NAV2: variants seen among roughly 807,000 people sequenced by gnomAD.
NAV2 encodes helicase, APC down-regulated 1.
NAV2 carries 54 observed loss-of-function variants against 223.2 expected under a neutral mutation model. The ratio of observed to expected loss-of-function variants is 0.24; its 90% confidence interval spans 0.19 to 0.30. The LOEUF (loss-of-function observed/expected upper bound fraction) is 0.30. Ranked by LOEUF, NAV2 falls within the 10% of genes least tolerant of loss-of-function variation. NAV2 has a pLI of 1.00. For synonymous variants in NAV2, 1,279 were observed against 1,239.3 expected (o/e 1.03, Z -0.67); for missense variants, 2,806 against 3,147.5 (o/e 0.89, Z 2.60).
chr11:20,034,124 G>C (rs1303329639), intron 11 of NAV2, among the ~76,000 whole-genome samples: 1 of 152,150 alleles, frequency 6.6e-6, no homozygotes, highest in Non-Finnish European at 1.5e-5. Flanking sequence ...AGGGTAGTTG[G>C]TTCTGGAATC....
chr11:19,947,833 C>T lies in NAV2; in HGVS notation c.2256-858C>T, dbSNP rs145787624. The stretch of plus-strand genomic sequence containing the variant: ...CTTTTTGGATGAAATATGAGAAAAG[C>T]AAAAGTCTGGGGGAAGTGAACTTTA... On this transcript the variant is annotated intron_variant, in intron 9 of 37. Coordinates refer to ENST00000349880, the MANE Select transcript of NAV2 (RefSeq NM_145117.5). 8.6e-3 allele frequency among the ~76,000 whole-genome samples: 1,304 copies of T among 152,180 alleles called. 15 individuals are homozygous for T. Among genetic ancestry groups the T allele is most frequent in the Non-Finnish European group, 0.012 (841 of 68,018 alleles).
chr11:20,117,965 G>A (rs1337781075), intron 37 of NAV2, among the ~76,000 whole-genome samples, 168 bp from the exon 38 acceptor site: 1 of 152,114 alleles, frequency 6.6e-6, no homozygotes, highest in Non-Finnish European at 1.5e-5. Context: ...GGTGAAGCTG[G>A]GATTTGAACC....
intron 11 of NAV2, among the ~76,000 whole-genome samples, chr11:20,030,415 G>A (rs919099649): frequency 2.0e-5 from 3 of 152,072 alleles, no homozygotes; most frequent in African/African-American, 4.8e-5. Flanking sequence ...TTTAATCGAA[G>A]TTTTCCGTTT....
intron 1 of NAV2, among the ~76,000 whole-genome samples, chr11:19,720,388 A>G (rs2050659129): frequency 6.6e-6 from 1 of 152,228 alleles, no homozygotes; most frequent in South Asian, 2.1e-4. Flanking sequence ...CTCATGGCTT[A>G]GTGCCCCCTT....
intron 1 of NAV2, among the ~76,000 whole-genome samples, chr11:19,624,788 G>A (rs1391111694): frequency 1.3e-5 from 2 of 152,200 alleles, no homozygotes; most frequent in African/African-American, 2.4e-5. Context: ...ACAAGCCCCA[G>A]TGAGATGAAC....
intron 1 of NAV2, among the ~76,000 whole-genome samples, chr11:19,769,020 T>C (rs2055480974): frequency 6.6e-6 from 1 of 152,218 alleles, no homozygotes; most frequent in Admixed American, 6.5e-5. Context: ...TTTGGACAGC[T>C]CATTCAACCT....
chr11:19,696,735 A>G (rs558050391), intron 1 of NAV2, among the ~76,000 whole-genome samples: 2 of 152,362 alleles, frequency 1.3e-5, no homozygotes, highest in Non-Finnish European at 2.9e-5. Context: ...AGATGCTGAC[A>G]TTGCAGCAGG....
intron 1 of NAV2, among the ~76,000 whole-genome samples, chr11:19,764,782 G>A (rs562982773): frequency 6.6e-6 from 1 of 152,024 alleles, no homozygotes; most frequent in South Asian, 2.1e-4. Context: ...GCCCAAACTG[G>A]AACTCTTGGT....
At chr11:19,417,086 A>C (rs1850402660) in intron 1 of NAV2, among the ~76,000 whole-genome samples, 1 of 152,370 alleles carries the variant, frequency 6.6e-6, no homozygotes, top group South Asian at 2.1e-4. Context: ...AAAAGCCACA[A>C]TTGACCAATG....
chr11:19,732,635 G>C (rs2051904673), intron 1 of NAV2, among the ~76,000 whole-genome samples: 1 of 152,206 alleles, frequency 6.6e-6, no homozygotes, highest in Admixed American at 6.5e-5. Flanking sequence ...TTCTTAGGAG[G>C]CCTTTGGTCA....
intron 5 of NAV2, among the ~76,000 whole-genome samples, chr11:19,888,239 A>G (rs570176023): frequency 1.3e-5 from 2 of 152,310 alleles, no homozygotes; most frequent in African/African-American, 4.8e-5. Context: ...TGAGAGGTCA[A>G]GTTCCTCTTG....
At chr11:19,821,711 T>A (rs1652587597) in intron 1 of NAV2, among the ~76,000 whole-genome samples, 1 of 152,260 alleles carries the variant, frequency 6.6e-6, no homozygotes, top group South Asian at 2.1e-4. Context: ...TGTGCTTTGG[T>A]GACATGGGAA....
Position 20,053,123 on chromosome 11 carries a change from T to C in NAV2, c.4482-957T>C, listed in dbSNP as rs141466223. ...GTCCCAGCTACTCGGGAGGCTGAGG[T>C]GGGAGAATCACTTGAACCCAAGAGA... On this transcript the variant is annotated intron_variant, in intron 17 of 37. Transcript: ENST00000349880. Among the ~76,000 whole-genome samples the C allele has an allele frequency of 2.5e-3, 339 of 137,968 alleles. 7 individuals carry two copies. In the East Asian group the frequency reaches 0.05, roughly 20 times the overall value. 90.5% of individuals were successfully genotyped at this position (137,968 alleles called of 152,430 possible).
chr11:19,830,492 A>G (rs2059870953), intron 1 of NAV2, among the ~76,000 whole-genome samples: 1 of 152,234 alleles, frequency 6.6e-6, no homozygotes, highest in Non-Finnish European at 1.5e-5. Context: ...TGAAAAGTGG[A>G]CACAATAATA....
At chr11:19,831,778 G>T (rs2059957001) in intron 1 of NAV2, among the ~76,000 whole-genome samples, 1 of 152,184 alleles carries the variant, frequency 6.6e-6, no homozygotes, top group Admixed American at 6.5e-5. Context: ...GATTCCATGG[G>T]TCAGCCAGTC....
At chr11:19,706,121 T>A (rs2049654953) in intron 1 of NAV2, among the ~76,000 whole-genome samples, 1 of 152,228 alleles carries the variant, frequency 6.6e-6, no homozygotes, top group South Asian at 2.1e-4. Flanking sequence ...TCCACTGATA[T>A]GATTTATTTA....
chr11:19,507,092 T>G (rs2632051), intron 1 of NAV2: 52,607 of 152,062 alleles, frequency 0.35, 9,409 homozygotes, highest in South Asian at 0.4. Context: ...GGCTTGATGG[T>G]GTCTTGGAAA....
At chr11:19,679,496 C>T (rs2048820567) in intron 1 of NAV2, among the ~76,000 whole-genome samples, 1 of 152,004 alleles carries the variant, frequency 6.6e-6, no homozygotes. Context: ...TTTCCTTCCC[C>T]TTTGGTACAA....
intron 10 of NAV2, among the ~76,000 whole-genome samples, chr11:19,968,983 T>C (rs1297609263): frequency 6.6e-6 from 1 of 152,112 alleles, no homozygotes; most frequent in Admixed American, 6.5e-5. Context: ...GGCTTCTGAG[T>C]GTCTCATGCC....
Sources: allele counts gnomAD v4.1 joint callset (sites outside exome capture counted in the v4.1 genomes callset), GRCh38; gene constraint gnomAD v4.1.1; transcripts MANE v1.5; gene names NCBI Gene and HGNC (gene_info 2026-07-23, HGNC 2026-07-21).